KNTC1: variants seen among roughly 807,000 people sequenced by gnomAD.
KNTC1 encodes kinetochore-associated protein 1.
KNTC1 carries 253 observed loss-of-function variants against 314.4 expected under a neutral mutation model. That is an observed-to-expected ratio of 0.80 (90% CI 0.73 to 0.89). The LOEUF (loss-of-function observed/expected upper bound fraction) is 0.89. Among genes scored for constraint, KNTC1 ranks in the 40% least tolerant of loss-of-function variants. The pLI is 0.00. For synonymous variants in KNTC1, 901 were observed against 901.4 expected (o/e 1.00, Z 0.01); for missense variants, 2,475 against 2,572.9 (o/e 0.96, Z 0.82).
At position 122,542,186 on chromosome 12, in the gene KNTC1, A is replaced by G. The variant is rs182642606; in HGVS notation, c.523+59A>G. The G allele has an allele frequency of 4.4e-4, 520 of 1,170,576 alleles. No homozygotes were observed. In the African/African-American group the frequency reaches 7.1e-3, roughly 16 times the overall value. The allele number at this position is 1,170,576 out of a possible 1,614,324, so 72.5% of individuals were successfully genotyped here. ...GCAGCAATATTTACTAGTTTTATTA[A>G]TGTAATAGTAAAATTTTAAGTACTC... On this transcript the variant is annotated intron_variant, in intron 6 of 63. Transcript: ENST00000333479.
chr12:122,610,841 T>C lies in KNTC1; in HGVS notation c.5563T>C (p.Ser1855Pro), dbSNP rs769714305. Residue 1855 changes from serine to proline, a missense_variant, in exon 53 of 64, where the codon TCT becomes CCT. Ser to Pro is a moderately conservative substitution (Grantham distance 74, BLOSUM62 -1). Transcript: ENST00000333479. Reference protein sequence around the residue: ...ALRRVQYLLLSRPIDYSSRML... With the variant: ...ALRRVQYLLLPRPIDYSSRML... Reference sequence around the variant, plus strand: ...TTCCAGAGTGCAGTATCTCCTCCTGTCTCGTCCAATTGATTATAGTTCAAG... The same window carrying C: ...TTCCAGAGTGCAGTATCTCCTCCTGCCTCGTCCAATTGATTATAGTTCAAG... The C allele has an allele frequency of 6.2e-7, 1 of 1,613,058 alleles. No individual in the cohort carries two copies. The highest frequency in any genetic ancestry group is 1.1e-5 in the South Asian group (1 of 91,064).
At chr12:122,616,939 C>T (rs1873829179) in intron 57 of KNTC1, among the ~76,000 whole-genome samples, 1 of 152,140 alleles carries the variant, frequency 6.6e-6, no homozygotes, top group South Asian at 2.1e-4. Context: ...ACTTTCTGTC[C>T]ATGGATTTGC....
chr12:122,531,640 A>T (rs1278229664), intron 2 of KNTC1, among the ~76,000 whole-genome samples: 1 of 152,204 alleles, frequency 6.6e-6, no homozygotes, highest in Non-Finnish European at 1.5e-5. Flanking sequence ...CAAAAATTTC[A>T]AGTGCAGCAT....
chr12:122,535,640 C>G (rs1278713921), intron 3 of KNTC1, among the ~76,000 whole-genome samples: 1 of 151,056 alleles, frequency 6.6e-6, no homozygotes, highest in African/African-American at 2.4e-5. Context: ...AAAACTCTGT[C>G]TCCAAAAACA....
chr12:122,536,510 C>T (rs1049841732), intron 3 of KNTC1, among the ~76,000 whole-genome samples: 2 of 151,238 alleles, frequency 1.3e-5, no homozygotes, highest in Non-Finnish European at 2.9e-5. Context: ...ACGTGAGCCA[C>T]CGTGCCAGGC....
At chr12:122,554,085 A>G (rs1418919718) in intron 16 of KNTC1, among the ~76,000 whole-genome samples, 1 of 141,732 alleles carries the variant, frequency 7.1e-6, no homozygotes. Flanking sequence ...AAATATATAT[A>G]TATATATATA....
intron 29 of KNTC1, 100 bp downstream of exon 29, chr12:122,575,999 GT>G: frequency 7.4e-7 from 1 of 1,344,634 alleles, no homozygotes; most frequent in Non-Finnish European, 9.9e-7. Flanking sequence ...ATAGAGCTAG[GT>G]TTTTCCACTA....
chr12:122,568,441 G>A (rs1964483564), intron 21 of KNTC1, 69 bp downstream of exon 21: 2 of 871,738 alleles, frequency 2.3e-6, no homozygotes, highest in Admixed American at 1.8e-5. Context: ...ATCAATGTTG[G>A]AGACTAACAA....
intron 6 of KNTC1, among the ~76,000 whole-genome samples, chr12:122,543,304 A>T (rs924438412): frequency 1.3e-5 from 2 of 152,220 alleles, no homozygotes; most frequent in Non-Finnish European, 2.9e-5. Flanking sequence ...TAGCTTCATG[A>T]TGGAGCTAGA....
At chr12:122,615,432 G>T in intron 56 of KNTC1, 38 bp from the exon 57 acceptor site, 1 of 1,453,832 alleles carries the variant, frequency 6.9e-7, no homozygotes, top group East Asian at 2.5e-5. Flanking sequence ...TTCCATTTTG[G>T]TGGTCTTTAG....
intron 12 of KNTC1, among the ~76,000 whole-genome samples, chr12:122,549,077 A>C (rs1426767132): frequency 6.6e-6 from 1 of 152,222 alleles, no homozygotes; most frequent in South Asian, 2.1e-4. Flanking sequence ...ATTTAGAGAC[A>C]GTCTCACTCT....
chr12:122,555,048 A>G (rs1323326726), intron 16 of KNTC1, among the ~76,000 whole-genome samples: 2 of 150,012 alleles, frequency 1.3e-5, no homozygotes, highest in Non-Finnish European at 2.9e-5. Flanking sequence ...TTGTCTCTAA[A>G]CAGACAAACA....
intron 57 of KNTC1, among the ~76,000 whole-genome samples, chr12:122,617,846 G>C (rs144813628): frequency 9.2e-5 from 14 of 152,126 alleles, no homozygotes; most frequent in Non-Finnish European, 2.1e-4. Flanking sequence ...CCGTATCAGC[G>C]CATAGCGATT....
At chr12:122,607,863 A>G (rs934074876) in intron 51 of KNTC1, among the ~76,000 whole-genome samples, 5 of 152,158 alleles carry the variant, frequency 3.3e-5, no homozygotes, top group African/African-American at 9.7e-5. Flanking sequence ...TTTGGCAACA[A>G]TACTGTATAG....
chr12:122,571,987 T>G (rs1964718233), intron 24 of KNTC1, among the ~76,000 whole-genome samples: 1 of 152,118 alleles, frequency 6.6e-6, no homozygotes, highest in Non-Finnish European at 1.5e-5. Flanking sequence ...CCACCTGTTT[T>G]AATGAACAGT....
intron 43 of KNTC1, 93 bp from the exon 44 acceptor site, chr12:122,597,638 C>A: frequency 1.0e-6 from 1 of 1,004,384 alleles, no homozygotes; most frequent in Non-Finnish European, 1.6e-6. Context: ...TAAATTTCAA[C>A]AATGGAAGCA....
chr12:122,584,124 A>G (rs1868863717), intron 34 of KNTC1, among the ~76,000 whole-genome samples, 154 bp from the exon 35 acceptor site: 1 of 152,136 alleles, frequency 6.6e-6, no homozygotes, highest in Non-Finnish European at 1.5e-5. Context: ...AGCCTGTCTC[A>G]AAAAAACAAA....
intron 43 of KNTC1, among the ~76,000 whole-genome samples, chr12:122,594,874 AT>A (rs1381539975): frequency 6.6e-6 from 1 of 152,194 alleles, no homozygotes; most frequent in Non-Finnish European, 1.5e-5. Context: ...AAGAATTTTT[AT>A]TTTTATTTAA....
At chr12:122,553,030 G>A (rs1038228361) in intron 16 of KNTC1, among the ~76,000 whole-genome samples, 2 of 152,066 alleles carry the variant, frequency 1.3e-5, no homozygotes, top group African/African-American at 4.8e-5. Context: ...GGTGGCACAT[G>A]CCTGTAGTCC....
Sources: gnomAD v4.1 joint callset for allele counts (sites outside exome capture counted in the v4.1 genomes callset) on GRCh38, gnomAD v4.1.1 for gene constraint, MANE v1.5 for transcripts, NCBI Gene and HGNC (gene_info 2026-07-23, HGNC 2026-07-21) for gene names.